The following SLC28A1 variants were observed in gnomAD, a reference collection of about 807,000 sequenced individuals.
SLC28A1 encodes sodium/nucleoside cotransporter 1.
Under a neutral mutation model 74.8 loss-of-function variants are expected in SLC28A1, and 64 were observed. The ratio of observed to expected loss-of-function variants is 0.86; its 90% CI spans 0.70 to 1.05. The LOEUF (loss-of-function observed/expected upper bound fraction) is 1.05. Ranked by LOEUF, SLC28A1 falls within the 50% of genes least tolerant of loss-of-function variation. The pLI is 0.00. For missense variants in SLC28A1, 828 were observed against 822.8 expected, an observed-to-expected ratio of 1.01 and a Z score of -0.08; for synonymous variants, 359 against 335.0, an observed-to-expected ratio of 1.07 and a Z score of -0.78.
At chr15:84,961,910 C>A in the SLC28A1 span, among the ~76,000 whole-genome samples, 2 of 152,118 alleles carry the variant, frequency 1.3e-5, no homozygotes, top group East Asian at 3.9e-4. Context: ...TTACCCTGTG[C>A]TCATTTGGTT....
chr15:84,942,574 A>G (rs1972835586), intron 15 of SLC28A1, among the ~76,000 whole-genome samples: 1 of 152,182 alleles, frequency 6.6e-6, no homozygotes, highest in African/African-American at 2.4e-5. Flanking sequence ...CTCCCAGGCA[A>G]CTACTATTAT....
chr15:84,924,023 C>T lies in SLC28A1; in HGVS notation c.996C>T (p.Asp332=), dbSNP rs1970182297. 2 of 1,614,076 alleles carry T rather than the reference C, an allele frequency of 1.2e-6. No individual in the cohort carries two copies. Among genetic ancestry groups the T allele is most frequent in the Non-Finnish European group, 1.7e-6 (2 of 1,180,014 alleles). Residue 332 remains aspartate (D), a synonymous_variant, in exon 12 of 19, where the codon GAC becomes GAT. Transcript: ENST00000394573. ...APLLIRPYLA[D]MTLSEVHVVM... Reference sequence around the variant, plus strand: ...TACTGATCCGGCCCTACTTGGCAGACATGACACTCTCTGAAGTCCACGTTG... The same window carrying T: ...TACTGATCCGGCCCTACTTGGCAGATATGACACTCTCTGAAGTCCACGTTG...
chr15:84,890,625 T>C, intron 5 of SLC28A1, 91 bp downstream of exon 5: 1 of 1,057,318 alleles, frequency 9.5e-7, no homozygotes, highest in Non-Finnish European at 1.4e-6. Context: ...CACCCAGTCA[T>C]TCAACAAATG....
In SLC28A1 at chr15:84,886,290, A is replaced by G. The variant is rs547189722; in HGVS notation, c.-132-382A>G. The G allele has an allele frequency of 8.1e-6, 8 of 984,894 alleles. No individual in the cohort carries two copies. In the African/African-American group the frequency reaches 1.4e-4, roughly 17 times the overall value. 61.0% of individuals were successfully genotyped at this position (984,894 alleles called of 1,614,324 possible). Reference sequence around the variant, plus strand: ...TTGCTGTTATAATAAATCCCCATCTAGTGAGAAAGGGAGATAGAGAAAGAT... The same window carrying G: ...TTGCTGTTATAATAAATCCCCATCTGGTGAGAAAGGGAGATAGAGAAAGAT... On this transcript the variant is annotated intron_variant, in intron 1 of 18. Transcript: ENST00000394573.
Position 84,884,872 on chromosome 15 carries a change from C to T in SLC28A1, c.-133+121C>T, listed in dbSNP as rs12910396. Reference sequence around the variant, plus strand: ...CCTTTTTTTCTTCACTAGGGCTTGGCGAAGACCCCTTCGAGGACAGCTCCA... The same window carrying T: ...CCTTTTTTTCTTCACTAGGGCTTGGTGAAGACCCCTTCGAGGACAGCTCCA... On this transcript the variant is annotated intron_variant, in intron 1 of 18. Coordinates refer to ENST00000394573, the MANE Select transcript of SLC28A1 (RefSeq NM_004213.5). The T allele has an allele frequency of 0.44, 140,436 of 315,804 alleles. 31,644 individuals carry two copies. Among genetic ancestry groups the T allele is most frequent in the African/African-American group, 0.6 (26,679 of 44,390 alleles). 19.6% of individuals were successfully genotyped at this position (315,804 alleles called of 1,614,324 possible).
rs1301351786 is a variant in SLC28A1 at position 84,890,496 on chromosome 15, A to G, written c.239A>G (p.Gln80Arg). Residue 80 changes from glutamine to arginine, a missense_variant, in exon 5 of 19, where the codon CAG becomes CGG. Transcript: ENST00000394573. Reference sequence around the variant, plus strand: ...AGAAGCTTCTGCAGGGAGCACATGCAGCTGTTTCGATGGATCGGCACAGGC... The same window carrying G: ...AGAAGCTTCTGCAGGGAGCACATGCGGCTGTTTCGATGGATCGGCACAGGC... ...RARSFCREHM[Q>R]LFRWIGTGLL... 1.9e-6 allele frequency: 3 copies of G among 1,611,358 alleles called. No individual in the cohort carries two copies. The highest frequency in any genetic ancestry group is 2.5e-6 in the Non-Finnish European group (3 of 1,179,748).
Position 84,935,353 on chromosome 15 carries a change from C to T in SLC28A1, c.1416C>T (p.Ala472=). Residue 472 remains alanine, a synonymous_variant, in exon 15 of 19, where the codon GCC becomes GCT. Coordinates refer to ENST00000394573, the MANE Select transcript of SLC28A1 (RefSeq NM_004213.5). Reference sequence around the variant, plus strand: ...GCTCCTACATCCTGCGGCCTGTAGCCTTCTTGATGGGTGTGGCGTGGGAGG... The same window carrying T: ...GCTCCTACATCCTGCGGCCTGTAGCTTTCTTGATGGGTGTGGCGTGGGAGG... ...LICSYILRPV[A]FLMGVAWEDC... 2 of 1,614,236 alleles carry T rather than the reference C, an allele frequency of 1.2e-6. No homozygotes were observed. The highest frequency in any genetic ancestry group is 3.3e-5 in the Admixed American group (2 of 60,020).
intron 12 of SLC28A1, among the ~76,000 whole-genome samples, chr15:84,925,380 T>C (rs1970393145): frequency 6.6e-6 from 1 of 151,960 alleles, no homozygotes; most frequent in Admixed American, 6.6e-5. Context: ...GGGTGGATCA[T>C]CTGAGGTCAG....
At chr15:84,923,839 A>G (rs12910991) in intron 11 of SLC28A1, 146 bp from the exon 12 acceptor site, 297,948 of 988,978 alleles carry the variant, frequency 0.3, 49,978 homozygotes, top group Non-Finnish European at 0.35. Flanking sequence ...AGGTTCAGAG[A>G]AGCTCAGCCA....
intron 6 of SLC28A1, among the ~76,000 whole-genome samples, chr15:84,897,310 C>G (rs1300802489): frequency 6.6e-6 from 1 of 151,760 alleles, no homozygotes; most frequent in Admixed American, 6.6e-5. Context: ...CACTTGAACC[C>G]GGGAGGCAGA....
the SLC28A1 span, among the ~76,000 whole-genome samples, chr15:84,953,087 G>A: frequency 6.6e-6 from 1 of 152,168 alleles, no homozygotes; most frequent in Non-Finnish European, 1.5e-5. Flanking sequence ...CAGCTTTCAA[G>A]GGATCTTTTC....
Position 84,894,002 on chromosome 15 carries a change from A to G in SLC28A1, c.278-938A>G, listed in dbSNP as rs867611189. ...TGGGTAGAACTTACCTTTATTCGTG[A>G]TGTTTCAGATCACATTTTTTATCCA... On this transcript the variant is annotated intron_variant, in intron 5 of 18. Transcript: ENST00000394573. Among the ~76,000 whole-genome samples the G allele has an allele frequency of 8.5e-5, 13 of 152,208 alleles. No homozygotes were observed. In the South Asian group the frequency reaches 2.3e-3, roughly 27 times the overall value.
At chr15:84,915,186 G>A (rs939966152) in intron 9 of SLC28A1, among the ~76,000 whole-genome samples, 1 of 152,186 alleles carries the variant, frequency 6.6e-6, no homozygotes, top group African/African-American at 2.4e-5. Flanking sequence ...CAGGCGGGAG[G>A]AGGAGTCACG....
rs572956304 is a variant in SLC28A1, at chr15:84,920,437, C to A, written c.877-552C>A. ...CTCCAGCCTGGGTGACAGAACGAGG[C>A]TCTGTCTTGGAAAGGAAAGGAAAGG... On this transcript the variant is annotated intron_variant, in intron 10 of 18. Coordinates refer to ENST00000394573, the MANE Select transcript of SLC28A1 (RefSeq NM_004213.5). 3.7e-5 allele frequency among the ~76,000 whole-genome samples: 5 copies of A among 136,932 alleles called. No individual in the cohort carries two copies. In the East Asian group the frequency reaches 1.2e-3, roughly 34 times the overall value. 89.8% of individuals were successfully genotyped at this position (136,932 alleles called of 152,430 possible).
At chr15:84,912,965 T>A (rs1348027346) in intron 9 of SLC28A1, among the ~76,000 whole-genome samples, 1 of 152,004 alleles carries the variant, frequency 6.6e-6, no homozygotes, top group Non-Finnish European at 1.5e-5. Flanking sequence ...TGGGGTGGGA[T>A]GGCTGAAAGA....
chr15:84,906,598 C>T (rs1388742363), intron 8 of SLC28A1, among the ~76,000 whole-genome samples: 1 of 144,238 alleles, frequency 6.9e-6, no homozygotes, highest in Non-Finnish European at 1.5e-5. Context: ...TCCTTCCTTC[C>T]TTCCTTCCTT....
intron 12 of SLC28A1, among the ~76,000 whole-genome samples, chr15:84,930,500 A>G (rs1971136481): frequency 6.6e-6 from 1 of 152,164 alleles, no homozygotes; most frequent in Admixed American, 6.6e-5. Flanking sequence ...GAAAAAGAAG[A>G]AGGACACAAT....
intron 9 of SLC28A1, among the ~76,000 whole-genome samples, chr15:84,911,878 G>A (rs28668681): frequency 0.072 from 7,628 of 105,326 alleles, 741 homozygotes; most frequent in African/African-American, 0.23. Context: ...AAAAAAAAAA[G>A]AAGAAGAAGA....
chr15:84,943,676 C>G, intron 16 of SLC28A1, 150 bp downstream of exon 16: 2 of 696,860 alleles, frequency 2.9e-6, no homozygotes, highest in South Asian at 1.6e-5. Flanking sequence ...TGCCTGTAAT[C>G]CCAGCACTTT....
Sources: gnomAD v4.1 joint callset for allele counts (sites outside exome capture counted in the v4.1 genomes callset) on GRCh38, gnomAD v4.1.1 for gene constraint, MANE v1.5 for transcripts, NCBI Gene and HGNC (gene_info 2026-07-23, HGNC 2026-07-21) for gene names.